QSER1: variants seen among roughly 807,000 people sequenced by gnomAD.
The protein encoded by QSER1 is glutamine and serine-rich protein 1.
Under a neutral mutation model 158.5 loss-of-function variants are expected in QSER1, and 49 were observed. The observed-to-expected ratio is 0.31, with a 90% confidence interval of 0.25 to 0.39. The LOEUF is 0.39. Ranked by LOEUF, QSER1 falls within the 10% of genes least tolerant of loss-of-function variation. QSER1 has a pLI of 1.00. For synonymous variants in QSER1, 650 were observed against 715.5 expected, an observed-to-expected ratio of 0.91 and a Z score of 1.46; for missense variants, 1,754 against 2,010.3, an observed-to-expected ratio of 0.87 and a Z score of 2.44.
rs1853034038 is a variant in QSER1 at position 32,979,360 on chromosome 11, T to A, written c.*2886T>A. 6.6e-6 allele frequency: 1 copy of A among 152,622 alleles called. No individual in the cohort carries two copies. The highest frequency in any genetic ancestry group is 1.5e-5 in the Non-Finnish European group (1 of 68,038). 9.5% of individuals were successfully genotyped at this position (152,622 alleles called of 1,614,324 possible). A position where few individuals can be genotyped will look rare whatever the true frequency, so the allele number is the denominator to read the frequency against. On this transcript the variant is annotated 3_prime_UTR_variant, in exon 13 of 13. Coordinates refer to ENST00000650167, the MANE Select transcript of QSER1 (RefSeq NM_001076786.3). ...CTTTAGAGATCTAAAAAAAATTTAA[T>A]ATAAAAAATCATTTTGTGTTGGTGT...
chr11:32,976,569 AG>A lies in QSER1; in HGVS notation c.*97del. 1 of 1,350,092 alleles carries A rather than the reference AG, an allele frequency of 7.4e-7. No individual in the cohort carries two copies. Among genetic ancestry groups the A allele is most frequent in the Non-Finnish European group, 1.0e-6 (1 of 965,996 alleles). 83.6% of individuals were successfully genotyped at this position (1,350,092 alleles called of 1,614,324 possible). A position where few individuals can be genotyped will look rare whatever the true frequency, so the allele number is the denominator to read the frequency against. On this transcript the variant is annotated 3_prime_UTR_variant, in exon 13 of 13. Transcript: ENST00000650167. ...CAGATGTCAAGTAGTGGCCTTCTGCAGGCCGGCCGCTTCCATCATGGAACTG... is the reference window on the plus strand; with the variant it reads ...CAGATGTCAAGTAGTGGCCTTCTGCAGCCGGCCGCTTCCATCATGGAACTG...
chr11:32,892,854 C>CCGCCGCCGCCGCCGT lies in QSER1; in HGVS notation c.-264_-263insCCGCCGTCGCCGCCG, dbSNP rs1373588395. Among the ~76,000 whole-genome samples the CCGCCGCCGCCGCCGT allele has an allele frequency of 6.7e-6, 1 of 149,266 alleles. No homozygotes were observed. Among genetic ancestry groups the CCGCCGCCGCCGCCGT allele is most frequent in the Non-Finnish European group, 1.5e-5 (1 of 67,036 alleles). On this transcript the variant is annotated 5_prime_UTR_variant, in exon 1 of 13. Coordinates refer to ENST00000650167, the MANE Select transcript of QSER1 (RefSeq NM_001076786.3). Reference sequence around the variant, plus strand: ...ACATGGGGCGCAGCGGCCGCCGCCGCCGCCGCCGTCGCCGCGAGTCCCGGC... The same window carrying CCGCCGCCGCCGCCGT: ...ACATGGGGCGCAGCGGCCGCCGCCGCCGCCGCCGCCGCCGTCGCCGCCGTCGCCGCGAGTCCCGGC...
chr11:32,892,845 C>CCGCCGCCGCCGCCGCCGCCGCCGT lies in QSER1; in HGVS notation c.-264_-263insCCGCCGTCGCCGCCGCCGCCGCCG, dbSNP rs1435467044. Among the ~76,000 whole-genome samples the CCGCCGCCGCCGCCGCCGCCGCCGT allele has an allele frequency of 6.7e-6, 1 of 148,346 alleles. No individual in the cohort carries two copies. Among genetic ancestry groups the CCGCCGCCGCCGCCGCCGCCGCCGT allele is most frequent in the Non-Finnish European group, 1.5e-5 (1 of 66,688 alleles). ...AATCCACCAACATGGGGCGCAGCGG[C>CCGCCGCCGCCGCCGCCGCCGCCGT]CGCCGCCGCCGCCGCCGTCGCCGCG... is the stretch of plus-strand genomic sequence containing the variant. On this transcript the variant is annotated 5_prime_UTR_variant, in exon 1 of 13. Coordinates refer to ENST00000650167, the MANE Select transcript of QSER1 (RefSeq NM_001076786.3).
At chr11:32,903,768 C>T (rs1851654587) in intron 1 of QSER1, among the ~76,000 whole-genome samples, 1 of 152,046 alleles carries the variant, frequency 6.6e-6, no homozygotes, top group Admixed American at 6.6e-5. Flanking sequence ...CCCACCACCA[C>T]GCCCAGCTAA....
rs562775635 is a variant in QSER1, at chr11:32,938,107, T to C, written c.4177+2672T>C. Among the ~76,000 whole-genome samples the C allele has an allele frequency of 2.0e-4, 30 of 152,326 alleles. No individual in the cohort carries two copies. In the South Asian group the frequency reaches 6.2e-3, roughly 32 times the overall value. On this transcript the variant is annotated intron_variant, in intron 4 of 12. Transcript: ENST00000650167. ...GGGTTATGGTTGAGAATTTAGGCTT[T>C]AGAGTTAAATCACCTTGGGTTCAAA...
At position 32,979,800 on chromosome 11, in the gene QSER1, A is replaced by G. The variant is rs1473428200; in HGVS notation, c.*3326A>G. ...CCCATGACTTTGGAGATATACCTAT[A>G]AAACCAATATAACAGCAGGGTTATT... On this transcript the variant is annotated 3_prime_UTR_variant, in exon 13 of 13. Coordinates refer to ENST00000650167, the MANE Select transcript of QSER1 (RefSeq NM_001076786.3). 6.6e-6 allele frequency: 1 copy of G among 152,238 alleles called. No homozygotes were observed. Among genetic ancestry groups the G allele is most frequent in the Non-Finnish European group, 1.5e-5 (1 of 68,050 alleles). The allele number at this position is 152,238 out of a possible 1,614,324, so 9.4% of individuals were successfully genotyped here. A position where few individuals can be genotyped will look rare whatever the true frequency, so the allele number is the denominator to read the frequency against.
chr11:32,946,718 C>T (rs981109598), intron 4 of QSER1, among the ~76,000 whole-genome samples: 1 of 152,046 alleles, frequency 6.6e-6, no homozygotes, highest in Non-Finnish European at 1.5e-5. Flanking sequence ...GTGGAGCCTA[C>T]AGAGGCAGGC....
chr11:32,963,020 C>T (rs1852654568), intron 8 of QSER1, among the ~76,000 whole-genome samples: 1 of 152,084 alleles, frequency 6.6e-6, no homozygotes, highest in Non-Finnish European at 1.5e-5. Flanking sequence ...CCTGGTCATA[C>T]CCATTATATT....
chr11:32,957,043 G>A (rs1240051015), intron 7 of QSER1, among the ~76,000 whole-genome samples: 3 of 151,886 alleles, frequency 2.0e-5, no homozygotes, highest in African/African-American at 2.4e-5. Flanking sequence ...GGGATTACAG[G>A]CATGAGCCAC....
In QSER1 at chr11:32,892,904, G is replaced by A. The variant is rs938732398; in HGVS notation, c.-222G>A. On this transcript the variant is annotated 5_prime_UTR_variant, in exon 1 of 13. Coordinates refer to ENST00000650167, the MANE Select transcript of QSER1 (RefSeq NM_001076786.3). ...CCGCGGGTGCCTCCGCTTCCCTGAC[G>A]CCCAGCTGGGGCCTCGCCGCCCGCC... Among the ~76,000 whole-genome samples, 1 of 136,080 alleles carries A rather than the reference G, an allele frequency of 7.3e-6. No individual in the cohort carries two copies. The highest frequency in any genetic ancestry group is 1.6e-5 in the Non-Finnish European group (1 of 63,156). The allele number at this position is 136,080 out of a possible 152,430, so 89.3% of individuals were successfully genotyped here.
At chr11:32,963,740 T>C (rs1564946014) in intron 8 of QSER1, among the ~76,000 whole-genome samples, 1 of 152,168 alleles carries the variant, frequency 6.6e-6, no homozygotes, top group Non-Finnish European at 1.5e-5. Context: ...CATAATTCAC[T>C]GTAACCTCAA....
At chr11:32,911,289 T>G (rs1175110936) in intron 1 of QSER1, among the ~76,000 whole-genome samples, 1 of 151,312 alleles carries the variant, frequency 6.6e-6, no homozygotes, top group East Asian at 1.9e-4. Context: ...CTCCTGGGGG[T>G]GGTGGGGGAA....
chr11:32,915,572 C>T (rs1458472729), intron 1 of QSER1, among the ~76,000 whole-genome samples: 2 of 152,180 alleles, frequency 1.3e-5, no homozygotes, highest in African/African-American at 4.8e-5. Context: ...CGAGTCTATA[C>T]TGGTCCAAAC....
At chr11:32,957,134 CTTTT>C (rs548632242) in intron 7 of QSER1, among the ~76,000 whole-genome samples, 1 of 127,874 alleles carries the variant, frequency 7.8e-6, no homozygotes, top group African/African-American at 2.9e-5. Context: ...CTTTTTTTTT[CTTTT>C]TTTTTTTTTT....
intron 4 of QSER1, among the ~76,000 whole-genome samples, chr11:32,952,677 A>C (rs1194193262): frequency 6.6e-6 from 1 of 151,028 alleles, no homozygotes; most frequent in Non-Finnish European, 1.5e-5. Flanking sequence ...TATCTTCTTT[A>C]ATTGTTGATA....
At chr11:32,909,820 G>T (rs1470273385) in intron 1 of QSER1, among the ~76,000 whole-genome samples, 2 of 151,986 alleles carry the variant, frequency 1.3e-5, no homozygotes, top group Non-Finnish European at 2.9e-5. Flanking sequence ...CGTGTGTATG[G>T]GGGGGGTGTG....
In QSER1 at chr11:32,934,477, A is replaced by G. The variant is rs528421043; in HGVS notation, c.3219A>G (p.Gln1073=). ...PALQSKMTLD[Q]QHIETPGQNI... is the part of the protein sequence containing the mutation. ...TTCAGTCAAAAATGACTCTTGATCA[A>G]CAGCACATTGAAACACCTGGTCAAA... is the stretch of plus-strand genomic sequence containing the variant. The change falls in exon 4 of 13, where the codon CAA becomes CAG. Residue 1073 remains glutamine, a synonymous_variant. Coordinates refer to ENST00000650167, the MANE Select transcript of QSER1 (RefSeq NM_001076786.3). 4.3e-6 allele frequency: 7 copies of G among 1,613,752 alleles called. No homozygotes were observed. The Admixed American group carries it at 5.0e-5, about 12-fold the overall frequency.
intron 1 of QSER1, among the ~76,000 whole-genome samples, chr11:32,923,678 CA>C (rs11301039): frequency 0.95 from 142,238 of 149,630 alleles, 68,018 homozygotes; most frequent in South Asian, 1. Context: ...ACTCTTGTCT[CA>C]AAAAAAAAGG....
chr11:32,928,153 C>T (rs2133538759), intron 3 of QSER1, 30 bp downstream of exon 3: 1 of 1,388,676 alleles, frequency 7.2e-7, no homozygotes, highest in Non-Finnish European at 1.0e-6. Flanking sequence ...ATTTTTAAGT[C>T]CTATAAAAAT....
Sources: gnomAD v4.1 joint callset for allele counts (sites outside exome capture counted in the v4.1 genomes callset) on GRCh38, gnomAD v4.1.1 for gene constraint, MANE v1.5 for transcripts, NCBI Gene and HGNC (gene_info 2026-07-23, HGNC 2026-07-21) for gene names.